Variants in PHLDB1 observed in about 807,000 individuals in gnomAD.
PHLDB1 encodes the protein pleckstrin homology-like domain family B member 1.
Under a neutral mutation model 139.3 loss-of-function variants are expected in PHLDB1, and 65 were observed. The ratio of observed to expected loss-of-function variants is 0.47; its 90% CI spans 0.38 to 0.57. The LOEUF (loss-of-function observed/expected upper bound fraction) is 0.57. Among genes scored for constraint, PHLDB1 ranks in the 20% least tolerant of loss-of-function variants. The pLI, the probability that PHLDB1 is intolerant of heterozygous loss-of-function variation, is 0.00. For synonymous variants in PHLDB1, 679 were observed against 734.5 expected, an observed-to-expected ratio of 0.92 and a Z score of 1.22; for missense variants, 1,624 against 1,839.7, an observed-to-expected ratio of 0.88 and a Z score of 2.14.
intron 20 of PHLDB1, chr11:118,653,126 C>T: frequency 6.5e-6 from 1 of 152,738 alleles, no homozygotes; most frequent in Non-Finnish European, 1.5e-5. Flanking sequence ...GAAGCGGAGG[C>T]AGGAGTGTGT....
chr11:118,639,851 C>T (rs1591666954), intron 12 of PHLDB1: 1 of 987,894 alleles, frequency 1.0e-6, no homozygotes, highest in Middle Eastern at 5.2e-4. Flanking sequence ...ACCATGTCCC[C>T]TCTCTGTAGG....
At chr11:118,623,349 G>A (rs1285931860) in intron 4 of PHLDB1, among the ~76,000 whole-genome samples, 2 of 152,224 alleles carry the variant, frequency 1.3e-5, no homozygotes, top group African/African-American at 4.8e-5. Flanking sequence ...CACCTGGTGT[G>A]GCTGGGAGGT....
Position 118,620,440 on chromosome 11 carries a change from C to A in PHLDB1, c.355+4229C>A, listed in dbSNP as rs576365357. ...CCCGGAGGCGGAGGTTGCAGTGAGC[C>A]GAGATCGCACCATTGCACTCCAGCC... On this transcript the variant is annotated intron_variant, in intron 4 of 22. Coordinates refer to ENST00000600882, the MANE Select transcript of PHLDB1 (RefSeq NM_001144758.3). The surrounding 1 kb of genome is among the most constrained non-coding windows in gnomAD (Gnocchi z 4.1). 2.0e-5 allele frequency among the ~76,000 whole-genome samples: 3 copies of A among 152,256 alleles called. 1 individual carries two copies. In the South Asian group the frequency reaches 6.2e-4, roughly 32 times the overall value.
In PHLDB1 at chr11:118,628,634, A is replaced by T. The variant is rs1555106954; in HGVS notation, c.1811A>T (p.Gln604Leu). ...RRQRQERLRE[Q>L]EMERLERQRL... ...CAGCGCCAAGAGCGGCTCCGGGAGCAGGAGATGGAGAGGCTGGTGAGCGGG... is the reference window on the plus strand; with the variant it reads ...CAGCGCCAAGAGCGGCTCCGGGAGCTGGAGATGGAGAGGCTGGTGAGCGGG... Residue 604 changes from glutamine (Q) to leucine (L), a missense_variant, in exon 6 of 23, where the codon CAG (glutamine) becomes CTG (leucine). Gln to Leu is a moderately radical substitution (Grantham distance 113). Coordinates refer to ENST00000600882, the MANE Select transcript of PHLDB1 (RefSeq NM_001144758.3). 1 of 1,608,642 alleles carries T rather than the reference A, an allele frequency of 6.2e-7. No individual in the cohort carries two copies. The highest frequency in any genetic ancestry group is 1.7e-5 in the Admixed American group (1 of 59,224).
intron 9 of PHLDB1, 131 bp from the exon 10 acceptor site, chr11:118,635,262 G>C: frequency 9.5e-7 from 1 of 1,055,800 alleles, no homozygotes; most frequent in Non-Finnish European, 1.4e-6. Context: ...GCGGGAGCTG[G>C]GGGGAGGCAG....
Position 118,656,951 on chromosome 11 carries a change from A to G in PHLDB1, c.*128A>G. 2.4e-6 allele frequency: 2 copies of G among 833,698 alleles called. No individual in the cohort carries two copies. The highest frequency in any genetic ancestry group is 3.7e-6 in the Non-Finnish European group (2 of 545,410). The allele number at this position is 833,698 out of a possible 1,614,324, so 51.6% of individuals were successfully genotyped here. A position where few individuals can be genotyped will look rare whatever the true frequency, so the allele number is the denominator to read the frequency against. On this transcript the variant is annotated 3_prime_UTR_variant, in exon 23 of 23. Coordinates refer to ENST00000600882, the MANE Select transcript of PHLDB1 (RefSeq NM_001144758.3). ...CTGAAGAACCAGCCAGAAGAAGAAAAGTAGAGGTGGCTTTGCTGCCTCCTG... is the reference window on the plus strand; with the variant it reads ...CTGAAGAACCAGCCAGAAGAAGAAAGGTAGAGGTGGCTTTGCTGCCTCCTG...
chr11:118,630,330 G>A lies in PHLDB1; in HGVS notation c.1828-877G>A, dbSNP rs539133152. Among the ~76,000 whole-genome samples the A allele has an allele frequency of 8.5e-5, 13 of 152,328 alleles. No individual in the cohort carries two copies. In the South Asian group the frequency reaches 2.7e-3, roughly 32 times the overall value. On this transcript the variant is annotated intron_variant, in intron 6 of 22. Transcript: ENST00000600882. ...GAGAGGTGACTGTATCTGGGTGGGT[G>A]TGTATGTGGAGAGGGGTGGATGAAG...
chr11:118,614,432 A>C, intron 2 of PHLDB1, 127 bp from the exon 3 acceptor site: 1 of 959,312 alleles, frequency 1.0e-6, no homozygotes, highest in Non-Finnish European at 1.6e-6. Context: ...ATTTTGTGCT[A>C]AGCCTTTCAG....
intron 4 of PHLDB1, among the ~76,000 whole-genome samples, chr11:118,622,902 C>A (rs1449102285): frequency 1.3e-5 from 2 of 152,142 alleles, no homozygotes; most frequent in Non-Finnish European, 2.9e-5. Flanking sequence ...CCCTCTCTCT[C>A]CTTTAGAATT....
intron 15 of PHLDB1, chr11:118,644,622 C>T: frequency 1.6e-6 from 2 of 1,282,628 alleles, no homozygotes; most frequent in Non-Finnish European, 2.0e-6. Flanking sequence ...CTACCGTACC[C>T]TCTGCCTGGG....
At chr11:118,614,432 A>T in intron 2 of PHLDB1, 127 bp from the exon 3 acceptor site, 1 of 959,312 alleles carries the variant, frequency 1.0e-6, no homozygotes, top group Non-Finnish European at 1.6e-6. Flanking sequence ...ATTTTGTGCT[A>T]AGCCTTTCAG....
At chr11:118,644,754 G>A in intron 15 of PHLDB1, 4 of 1,121,544 alleles carry the variant, frequency 3.6e-6, no homozygotes, top group Non-Finnish European at 4.8e-6. Context: ...GCATCAGCAT[G>A]ATGTGTCCTG....
In PHLDB1 at chr11:118,657,142, C is replaced by T. The variant is rs561710638; in HGVS notation, c.*319C>T. ...TGGTACCATAAGCTGCCAAAGATCC[C>T]CTCCTGCCTCAGACCCCTTTGCCAG... On this transcript the variant is annotated 3_prime_UTR_variant, in exon 23 of 23. Coordinates refer to ENST00000600882, the MANE Select transcript of PHLDB1 (RefSeq NM_001144758.3). 1.4e-5 allele frequency: 3 copies of T among 208,654 alleles called. No individual in the cohort carries two copies. Among genetic ancestry groups the T allele is most frequent in the African/African-American group, 6.8e-5 (3 of 43,820 alleles). The allele number at this position is 208,654 out of a possible 1,614,324, so 12.9% of individuals were successfully genotyped here.
chr11:118,609,397 G>C (rs1939731120), intron 1 of PHLDB1, among the ~76,000 whole-genome samples: 1 of 130,720 alleles, frequency 7.6e-6, no homozygotes, highest in South Asian at 2.5e-4. Context: ...ACACAGCCCA[G>C]CTGACACACG....
chr11:118,639,872 C>T, intron 12 of PHLDB1: 1 of 987,002 alleles, frequency 1.0e-6, no homozygotes, highest in Non-Finnish European at 1.2e-6. Context: ...CCGAGCTGCT[C>T]ATCTCCGAGT....
intron 10 of PHLDB1, chr11:118,638,024 A>G (rs1234057289): frequency 1.3e-5 from 2 of 152,322 alleles, no homozygotes; most frequent in African/African-American, 4.8e-5. Flanking sequence ...GAAGGAGCAA[A>G]GAAATCGGCA....
In PHLDB1 at chr11:118,635,402, G is replaced by A. The variant is rs1945482014; in HGVS notation, c.2389G>A (p.Ala797Thr). 1.3e-6 allele frequency: 2 copies of A among 1,594,910 alleles called. No individual in the cohort carries two copies. The highest frequency in any genetic ancestry group is 1.2e-5 in the South Asian group (1 of 86,860). ...GTCACTGTCGTTGAAGGAGGCAGAG[G>A]CCCTGGAGACTGAGACAAAGCTCTT... is the stretch of plus-strand genomic sequence containing the variant. ...IQKERDKEAE[A>T]LETETKLFED... The change falls in exon 10 of 23, where the codon GCC becomes ACC. Residue 797 changes from alanine (A) to threonine (T), a missense_variant. Coordinates refer to ENST00000600882, the MANE Select transcript of PHLDB1 (RefSeq NM_001144758.3).
intron 4 of PHLDB1, chr11:118,624,357 GA>G (rs1455570007): frequency 1.3e-5 from 2 of 152,946 alleles, no homozygotes; most frequent in African/African-American, 4.8e-5. Flanking sequence ...GAGGAATTAG[GA>G]CGAGGACTCA....
Position 118,645,247 on chromosome 11 carries a change from T to C in PHLDB1, c.3122-109T>C. 1.3e-6 allele frequency: 1 copy of C among 766,278 alleles called. No individual in the cohort carries two copies. Among genetic ancestry groups the C allele is most frequent in the Non-Finnish European group, 2.0e-6 (1 of 501,334 alleles). The allele number at this position is 766,278 out of a possible 1,614,324, so 47.5% of individuals were successfully genotyped here. A position where few individuals can be genotyped will look rare whatever the true frequency, so the allele number is the denominator to read the frequency against. On this transcript the variant is annotated intron_variant, in intron 15 of 22. Coordinates refer to ENST00000600882, the MANE Select transcript of PHLDB1 (RefSeq NM_001144758.3). This position sits in a 1 kb window ranked among gnomAD's most constrained non-coding sequence, Gnocchi z 5.1. The stretch of plus-strand genomic sequence containing the variant: ...AAGCTGCGGGGAGAGGGGGCTGCTC[T>C]GTGTTAACCTCTCCCTGCTTGCCCC...
Sources: allele counts gnomAD v4.1 joint callset (sites outside exome capture counted in the v4.1 genomes callset), GRCh38; gene constraint gnomAD v4.1.1; non-coding constraint Gnocchi (gnomAD v3.1); transcripts MANE v1.5; gene names NCBI Gene and HGNC (gene_info 2026-07-23, HGNC 2026-07-21).